The following BICD1 variants were observed in gnomAD, a reference collection of about 807,000 sequenced individuals.
BICD1 encodes protein bicaudal D homolog 1.
BICD1 carries 35 observed loss-of-function variants against 92.5 expected under a neutral mutation model. The ratio of observed to expected loss-of-function variants is 0.38; its 90% CI spans 0.29 to 0.50. The LOEUF is 0.50. Ranked by LOEUF, BICD1 falls within the 20% of genes least tolerant of loss-of-function variation. BICD1 has a pLI of 0.93. For synonymous variants in BICD1, 429 were observed against 465.1 expected (o/e 0.92, Z 1.00); for missense variants, 950 against 1,189.8 (o/e 0.80, Z 2.97).
chr12:32,113,283 G>A (rs12230264), intron 1 of BICD1, among the ~76,000 whole-genome samples: 16,124 of 152,176 alleles, frequency 0.11, 1,107 homozygotes, highest in East Asian at 0.28. Flanking sequence ...CAGTGGAGCT[G>A]AGAATCTTCT....
chr12:32,296,256 GTTTT>G (rs373796519), intron 3 of BICD1, among the ~76,000 whole-genome samples: 2 of 90,194 alleles, frequency 2.2e-5, no homozygotes, highest in African/African-American at 7.5e-5. Context: ...GTTTTTTTTT[GTTTT>G]TTTTTTTTTT....
chr12:32,373,219 T>G (rs1939805103), intron 9 of BICD1, among the ~76,000 whole-genome samples: 1 of 152,192 alleles, frequency 6.6e-6, no homozygotes, highest in South Asian at 2.1e-4. Flanking sequence ...AGTGGACTCT[T>G]GAAAATATTT....
intron 6 of BICD1, 108 bp downstream of exon 6, chr12:32,334,775 A>G: frequency 4.8e-6 from 6 of 1,254,428 alleles, no homozygotes; most frequent in Non-Finnish European, 6.4e-6. Context: ...GTAGTCTAGG[A>G]TGGCTAAGTG....
intron 8 of BICD1, among the ~76,000 whole-genome samples, chr12:32,361,602 A>G (rs763583063): frequency 6.6e-6 from 1 of 152,004 alleles, no homozygotes; most frequent in South Asian, 2.1e-4. Flanking sequence ...AAGAACTTGG[A>G]TACTTGGCCT....
chr12:32,129,419 G>A (rs1394158547), intron 1 of BICD1, among the ~76,000 whole-genome samples: 1 of 150,854 alleles, frequency 6.6e-6, no homozygotes, highest in Non-Finnish European at 1.5e-5. Flanking sequence ...CAGCTACTTG[G>A]GAGGCTGAGG....
Position 32,133,059 on chromosome 12 carries a change from CAT to C in BICD1, c.213+25518_213+25519del, listed in dbSNP as rs1405835323. On this transcript the variant is annotated intron_variant, in intron 1 of 9. Transcript: ENST00000652176. ...GGAGCTAGGAAGAATGTAAAGAAATCATATGATAAGGAGATATAAAAAGGAAT... is the reference window on the plus strand; with the variant it reads ...GGAGCTAGGAAGAATGTAAAGAAATCATGATAAGGAGATATAAAAAGGAAT... Among the ~76,000 whole-genome samples the C allele has an allele frequency of 3.3e-5, 5 of 152,112 alleles. 1 individual carries two copies. The highest frequency in any genetic ancestry group is 6.3e-3 in the Middle Eastern group (2 of 316).
chr12:32,195,090 C>CA (rs3043308), intron 1 of BICD1, among the ~76,000 whole-genome samples: 64,859 of 117,342 alleles, frequency 0.55, 18,540 homozygotes, highest in East Asian at 0.69. Context: ...AGAGTGAGAC[C>CA]AAAAAAAAAA....
rs1031505269 is a variant in BICD1 at position 32,111,663 on chromosome 12, G to A, written c.213+4119G>A. Among the ~76,000 whole-genome samples, 12 of 151,398 alleles carry A rather than the reference G, an allele frequency of 7.9e-5. No homozygotes were observed. The East Asian group carries it at 1.2e-3, about 15-fold the overall frequency. On this transcript the variant is annotated intron_variant, in intron 1 of 9. Coordinates refer to ENST00000652176, the MANE Select transcript of BICD1 (RefSeq NM_001714.4). ...CGCACTTTCACCCAGCCTGGAGTGC[G>A]GTGGTGTGATCTCGGCTCACTGCAA...
intron 2 of BICD1, among the ~76,000 whole-genome samples, chr12:32,267,848 G>A (rs1226083287): frequency 5.3e-5 from 8 of 152,180 alleles, no homozygotes; most frequent in African/African-American, 2.4e-5. Context: ...CTGTTGCCCA[G>A]GCTGGAGTGC....
intron 2 of BICD1, among the ~76,000 whole-genome samples, chr12:32,224,069 A>G (rs1483731090): frequency 1.3e-5 from 2 of 152,176 alleles, no homozygotes; most frequent in African/African-American, 4.8e-5. Context: ...AGTAAAAACC[A>G]AAGTGTTTCT....
intron 1 of BICD1, among the ~76,000 whole-genome samples, chr12:32,192,749 T>C (rs912578026): frequency 6.6e-6 from 1 of 152,182 alleles, no homozygotes; most frequent in African/African-American, 2.4e-5. Flanking sequence ...CAGCAAGTCA[T>C]CCAGAAGATC....
intron 1 of BICD1, among the ~76,000 whole-genome samples, chr12:32,119,392 G>A (rs1272119883): frequency 6.6e-6 from 1 of 152,238 alleles, no homozygotes; most frequent in African/African-American, 2.4e-5. Flanking sequence ...AGAATCACCT[G>A]GGTGATTTAT....
chr12:32,258,362 C>T (rs1031984021), intron 2 of BICD1, among the ~76,000 whole-genome samples: 1 of 151,964 alleles, frequency 6.6e-6, no homozygotes, highest in Non-Finnish European at 1.5e-5. Context: ...AAATCGAAGA[C>T]CTTTTAATAT....
intron 1 of BICD1, among the ~76,000 whole-genome samples, chr12:32,175,441 C>T (rs1446345128): frequency 1.3e-5 from 2 of 152,130 alleles, no homozygotes; most frequent in Non-Finnish European, 2.9e-5. Flanking sequence ...CTCAGCCTCC[C>T]GAGTAGCTGG....
chr12:32,321,775 G>C (rs1171107009), intron 4 of BICD1, among the ~76,000 whole-genome samples: 2 of 152,110 alleles, frequency 1.3e-5, no homozygotes, highest in Non-Finnish European at 2.9e-5. Flanking sequence ...AAGGCGGGTG[G>C]ATCACCTGAG....
At chr12:32,129,918 A>G (rs1414657610) in intron 1 of BICD1, among the ~76,000 whole-genome samples, 1 of 152,232 alleles carries the variant, frequency 6.6e-6, no homozygotes, top group South Asian at 2.1e-4. Context: ...GGGAGGACTG[A>G]CTTATTTGGT....
In BICD1 at chr12:32,367,566, C is replaced by T. The variant is rs376894931; in HGVS notation, c.2765-104C>T. 160 of 1,022,300 alleles carry T rather than the reference C, an allele frequency of 1.6e-4. No homozygotes were observed. The South Asian group carries it at 1.9e-3, about 12-fold the overall frequency. 63.3% of individuals were successfully genotyped at this position (1,022,300 alleles called of 1,614,324 possible). On this transcript the variant is annotated intron_variant, in intron 8 of 9. Coordinates refer to ENST00000652176, the MANE Select transcript of BICD1 (RefSeq NM_001714.4). ...GAATCAGGATATTTCTGTGTGAATGCACATTCCTCACTAAATCTCTCAGGC... is the reference window on the plus strand; with the variant it reads ...GAATCAGGATATTTCTGTGTGAATGTACATTCCTCACTAAATCTCTCAGGC...
At chr12:32,229,416 T>G (rs1426136560) in intron 2 of BICD1, among the ~76,000 whole-genome samples, 3 of 151,938 alleles carry the variant, frequency 2.0e-5, no homozygotes, top group East Asian at 1.9e-4. Context: ...AAAAAGAAAC[T>G]GGTAAAGGAG....
rs1284923374 is a variant in BICD1, at chr12:32,328,860, C to A, written c.2100+305C>A. 6.6e-6 allele frequency among the ~76,000 whole-genome samples: 1 copy of A among 151,992 alleles called. No individual in the cohort carries two copies. Among genetic ancestry groups the A allele is most frequent in the East Asian group, 1.9e-4 (1 of 5,170 alleles). On this transcript the variant is annotated intron_variant, in intron 5 of 9. Coordinates refer to ENST00000652176, the MANE Select transcript of BICD1 (RefSeq NM_001714.4). This position sits in a 1 kb window ranked among gnomAD's most constrained non-coding sequence, Gnocchi z 4.4. ...CAGGCGGTGCTGGGCTGAAGCCTGGCAGTGAGTGGCTGTGGAAACAGGAGA... is the reference window on the plus strand; with the variant it reads ...CAGGCGGTGCTGGGCTGAAGCCTGGAAGTGAGTGGCTGTGGAAACAGGAGA...
Sources: allele counts gnomAD v4.1 joint callset (sites outside exome capture counted in the v4.1 genomes callset), GRCh38; gene constraint gnomAD v4.1.1; non-coding constraint Gnocchi (gnomAD v3.1); transcripts MANE v1.5; gene names NCBI Gene and HGNC (gene_info 2026-07-23, HGNC 2026-07-21).